ELF1: variants seen among roughly 807,000 people sequenced by gnomAD.
ELF1 encodes the protein E74 like ETS transcription factor 1.
In ELF1, 24 loss-of-function variants were observed where a neutral mutation model predicts 59.9. The observed-to-expected ratio is 0.40, with a 90% CI of 0.29 to 0.56. The LOEUF is 0.56. Ranked by LOEUF, ELF1 falls within the 20% of genes least tolerant of loss-of-function variation. The probability of loss-of-function intolerance (pLI) is 0.44; values close to 1 mark genes in which losing one functional copy is unlikely to be tolerated. For missense variants in ELF1, 627 were observed against 742.2 expected (o/e 0.84, Z 1.80); for synonymous variants, 248 against 266.2 (o/e 0.93, Z 0.67).
chr13:40,947,048 T>C (rs1015076585), intron 5 of ELF1, among the ~76,000 whole-genome samples: 2 of 151,846 alleles, frequency 1.3e-5, no homozygotes, highest in African/African-American at 2.4e-5. Flanking sequence ...ATTGTTTTAT[T>C]GTTGAGTGGT....
At chr13:41,022,833 T>C (rs1307274464), upstream of ELF1, among the ~76,000 whole-genome samples, 1 of 152,124 alleles carries the variant, frequency 6.6e-6, no homozygotes, top group Non-Finnish European at 1.5e-5. Context: ...GAGCCGAGGT[T>C]GCACCACTGC....
intron 1 of ELF1, among the ~76,000 whole-genome samples, chr13:41,033,755 G>A (rs1382294198): frequency 6.6e-6 from 1 of 152,204 alleles, no homozygotes; most frequent in Non-Finnish European, 1.5e-5. Context: ...AACTTCTGTG[G>A]AAAAATTGTG....
chr13:40,969,228 T>A (rs190896368), intron 2 of ELF1, among the ~76,000 whole-genome samples: 1 of 152,182 alleles, frequency 6.6e-6, no homozygotes, highest in Non-Finnish European at 1.5e-5. Flanking sequence ...TAATCCTAGA[T>A]ATAATCAGTA....
intron 3 of ELF1, among the ~76,000 whole-genome samples, chr13:40,953,121 C>T (rs1434675266): frequency 2.0e-5 from 3 of 152,006 alleles, no homozygotes; most frequent in African/African-American, 7.2e-5. Context: ...GGAATACAGG[C>T]ATGTGCCACC....
intron 1 of ELF1, among the ~76,000 whole-genome samples, chr13:41,043,467 T>G (rs1012332612): frequency 2.0e-5 from 3 of 152,184 alleles, no homozygotes; most frequent in Non-Finnish European, 4.4e-5. Context: ...AATCCATCTT[T>G]AATTAATTTT....
chr13:41,005,039 C>T (rs1874661140), intron 1 of ELF1, among the ~76,000 whole-genome samples: 1 of 152,130 alleles, frequency 6.6e-6, no homozygotes, highest in African/African-American at 2.4e-5. Flanking sequence ...ACAGGAAGCA[C>T]AGAGTAAGAT....
At chr13:41,007,530 C>A (rs7323613) in intron 1 of ELF1, among the ~76,000 whole-genome samples, 33,793 of 151,894 alleles carry the variant, frequency 0.22, 4,287 homozygotes, top group African/African-American at 0.34. Flanking sequence ...AGTAACTGCC[C>A]CCTCCTGCTA....
chr13:41,012,265 A>G (rs1875106140), intron 1 of ELF1, among the ~76,000 whole-genome samples: 1 of 137,474 alleles, frequency 7.3e-6, no homozygotes, highest in East Asian at 2.4e-4. Flanking sequence ...GAGAGCCGAG[A>G]TTGTGCCACT....
intron 1 of ELF1, among the ~76,000 whole-genome samples, chr13:41,016,936 A>T (rs1293218897): frequency 1.3e-4 from 13 of 96,744 alleles, no homozygotes; most frequent in African/African-American, 5.2e-4. Flanking sequence ...AAAAAAAAAA[A>T]AAAAAAAAAA....
chr13:40,938,914 T>G (rs1869958779), intron 8 of ELF1, among the ~76,000 whole-genome samples: 1 of 152,112 alleles, frequency 6.6e-6, no homozygotes, highest in Non-Finnish European at 1.5e-5. Context: ...GGATAGTAAA[T>G]AAGTGTTCAT....
At chr13:40,960,865 A>G (rs755574408) in intron 2 of ELF1, among the ~76,000 whole-genome samples, 2 of 152,332 alleles carry the variant, frequency 1.3e-5, no homozygotes, top group South Asian at 4.1e-4. Flanking sequence ...ACACTTCTCT[A>G]TAAAGAATCT....
At chr13:41,044,381 C>T (rs1474855791) in intron 1 of ELF1, among the ~76,000 whole-genome samples, 1 of 152,182 alleles carries the variant, frequency 6.6e-6, no homozygotes, top group Non-Finnish European at 1.5e-5. Context: ...TGCCAGTTTT[C>T]AAAGGGAATG....
chr13:40,986,632 T>C (rs1468352529), intron 1 of ELF1, among the ~76,000 whole-genome samples: 1 of 110,502 alleles, frequency 9.0e-6, no homozygotes, highest in East Asian at 2.7e-4. Context: ...CAAATCCTGC[T>C]GCTTCAAGGC....
At chr13:41,060,908 TGCTGCTGCC>T in exon 1 of ELF1, 2 of 275,360 alleles carry the variant, frequency 7.3e-6, no homozygotes, top group South Asian at 2.1e-5. Flanking sequence ...CTACTGAAGC[TGCTGCTGCC>T]GCCGCCGCCG....
chr13:40,963,606 A>G (rs1228368913), intron 2 of ELF1, among the ~76,000 whole-genome samples: 1 of 152,232 alleles, frequency 6.6e-6, no homozygotes, highest in Non-Finnish European at 1.5e-5. Context: ...TCAGATTTTC[A>G]TAAGAATATG....
intron 1 of ELF1, among the ~76,000 whole-genome samples, chr13:40,993,843 G>A (rs1164924525): frequency 6.6e-6 from 1 of 151,914 alleles, no homozygotes; most frequent in Admixed American, 6.6e-5. Context: ...AGAGGGAAGT[G>A]CCCAGGACGT....
rs532740504 is a variant in ELF1 at position 41,011,387 on chromosome 13, A to C, written c.-229+7841T>G. ...AGATCTTCTTAGTTATTTGGGACAG[A>C]CACACAGTCTTATAACACTTACATC... On this transcript the variant is annotated intron_variant, in intron 1 of 8. Transcript: ENST00000239882. Among the ~76,000 whole-genome samples, 3 of 152,322 alleles carry C rather than the reference A, an allele frequency of 2.0e-5. No individual in the cohort carries two copies. The East Asian group carries it at 5.8e-4, about 29-fold the overall frequency.
chr13:40,940,146 T>C (rs1243875739), intron 8 of ELF1, among the ~76,000 whole-genome samples: 1 of 152,126 alleles, frequency 6.6e-6, no homozygotes, highest in Non-Finnish European at 1.5e-5. Flanking sequence ...ATAATTTTTA[T>C]TGGCTTTGAA....
chr13:41,049,362 A>G (rs1170395886), intron 1 of ELF1, among the ~76,000 whole-genome samples: 1 of 152,230 alleles, frequency 6.6e-6, no homozygotes, highest in Non-Finnish European at 1.5e-5. Flanking sequence ...CATACTAAAC[A>G]GGTAGTTTAC....
Sources: gnomAD v4.1 joint callset for allele counts (sites outside exome capture counted in the v4.1 genomes callset) on GRCh38, gnomAD v4.1.1 for gene constraint, MANE v1.5 for transcripts, NCBI Gene and HGNC (gene_info 2026-07-23, HGNC 2026-07-21) for gene names.